The following GALNT13 variants were observed in gnomAD, a reference collection of about 807,000 sequenced individuals.
GALNT13 encodes the protein UDP-GalNAc:polypeptide N-acetylgalactosaminyltransferase 13.
In GALNT13, 28 loss-of-function variants were observed where a neutral mutation model predicts 64.2. That is an observed-to-expected ratio of 0.44 (90% CI 0.32 to 0.60). GALNT13 has a LOEUF of 0.60. Ranked by LOEUF, GALNT13 falls within the 20% of genes least tolerant of loss-of-function variation. GALNT13 has a pLI of 0.05. For missense variants in GALNT13, 577 were observed against 669.8 expected (o/e 0.86, Z 1.53); for synonymous variants, 214 against 224.6 (o/e 0.95, Z 0.42).
chr2:153,877,586 TGAG>T (rs1332179404), intron 1 of GALNT13, among the ~76,000 whole-genome samples: 1 of 152,186 alleles, frequency 6.6e-6, no homozygotes, highest in Non-Finnish European at 1.5e-5. Flanking sequence ...TTTTGACATA[TGAG>T]GAGGATTATG....
chr2:153,484,858 C>T, the GALNT13 span, among the ~76,000 whole-genome samples: 1 of 152,166 alleles, frequency 6.6e-6, no homozygotes, highest in Non-Finnish European at 1.5e-5. Flanking sequence ...TGGTTTCTGC[C>T]TCCTATTGCC....
chr2:153,349,655 A>T, the GALNT13 span, among the ~76,000 whole-genome samples: 14 of 152,180 alleles, frequency 9.2e-5, no homozygotes, highest in African/African-American at 3.4e-4. Context: ...GCCAATGTGG[A>T]ATCACTTCTA....
chr2:154,425,901 G>A (rs1048551930), intron 11 of GALNT13, among the ~76,000 whole-genome samples: 4 of 152,182 alleles, frequency 2.6e-5, no homozygotes, highest in Non-Finnish European at 5.9e-5. Flanking sequence ...CTCACATGGT[G>A]AGAACAATTC....
chr2:154,165,433 A>G (rs1321195357), intron 4 of GALNT13, among the ~76,000 whole-genome samples: 1 of 152,152 alleles, frequency 6.6e-6, no homozygotes, highest in Non-Finnish European at 1.5e-5. Flanking sequence ...ACTGAGACAT[A>G]TGTACATGCT....
intron 9 of GALNT13, among the ~76,000 whole-genome samples, chr2:154,363,774 A>G (rs992676324): frequency 7.2e-5 from 11 of 152,182 alleles, no homozygotes; most frequent in African/African-American, 2.7e-4. Flanking sequence ...TGTTTATGCA[A>G]TTGTGTTTTA....
At chr2:153,400,054 T>C in the GALNT13 span, among the ~76,000 whole-genome samples, 151 of 152,092 alleles carry the variant, frequency 9.9e-4, no homozygotes, top group African/African-American at 3.6e-3. Context: ...TGATACTGGC[T>C]GTGGGTTTGT....
chr2:153,582,298 G>A, the GALNT13 span, among the ~76,000 whole-genome samples: 2 of 151,810 alleles, frequency 1.3e-5, no homozygotes, highest in Non-Finnish European at 2.9e-5. Context: ...AATCTCAAGA[G>A]TAAATTCAGA....
At chr2:154,354,153 A>C (rs537971823) in intron 9 of GALNT13, among the ~76,000 whole-genome samples, 1 of 152,260 alleles carries the variant, frequency 6.6e-6, no homozygotes, top group African/African-American at 2.4e-5. Flanking sequence ...CATATCCCTG[A>C]TGATTAAACA....
chr2:154,416,305 A>T (rs1325063357), intron 11 of GALNT13, among the ~76,000 whole-genome samples: 8 of 152,082 alleles, frequency 5.3e-5, no homozygotes, highest in Non-Finnish European at 8.8e-5. Context: ...GATGAGGGAA[A>T]AGTTCATTGA....
chr2:153,990,357 A>G (rs1276570496), intron 3 of GALNT13, among the ~76,000 whole-genome samples: 1 of 152,086 alleles, frequency 6.6e-6, no homozygotes, highest in Non-Finnish European at 1.5e-5. Context: ...TTTGTGTTAT[A>G]ATTTGTATTT....
At chr2:153,445,654 A>G in the GALNT13 span, among the ~76,000 whole-genome samples, 1 of 152,180 alleles carries the variant, frequency 6.6e-6, no homozygotes, top group Non-Finnish European at 1.5e-5. Flanking sequence ...CTGGGACTAC[A>G]GGTGTGAGCC....
At chr2:153,252,993 C>T in the GALNT13 span, among the ~76,000 whole-genome samples, 3 of 151,600 alleles carry the variant, frequency 2.0e-5, no homozygotes, top group East Asian at 1.9e-4. Context: ...GTAGTTTTTT[C>T]CAATTCTGTG....
At position 154,172,708 on chromosome 2, in the gene GALNT13, G is replaced by C. The variant is rs542513423; in HGVS notation, c.311+32203G>C. On this transcript the variant is annotated intron_variant, in intron 4 of 12. Coordinates refer to ENST00000392825, the MANE Select transcript of GALNT13 (RefSeq NM_052917.4). ...CAGAGCACATTTTCTTCACTTATCT[G>C]TTGATGGGCACTTACATTGATTCCA... is the stretch of plus-strand genomic sequence containing the variant. Among the ~76,000 whole-genome samples the C allele has an allele frequency of 2.0e-5, 3 of 151,708 alleles. No individual in the cohort carries two copies. In the South Asian group the frequency reaches 6.2e-4, roughly 32 times the overall value.
chr2:153,785,397 G>A, the GALNT13 span, among the ~76,000 whole-genome samples: 2 of 152,320 alleles, frequency 1.3e-5, no homozygotes, highest in South Asian at 4.1e-4. Context: ...CATTTTTGCT[G>A]TTTCGTAGCC....
chr2:153,708,821 G>C, the GALNT13 span, among the ~76,000 whole-genome samples: 26 of 152,166 alleles, frequency 1.7e-4, no homozygotes, highest in Admixed American at 1.6e-3. Flanking sequence ...GAATATAATA[G>C]AGAACCCAGA....
In GALNT13 at chr2:154,240,029, A is replaced by G. The variant is rs76205859; in HGVS notation, c.312-2001A>G. Among the ~76,000 whole-genome samples the G allele has an allele frequency of 2.8e-4, 42 of 152,316 alleles. 2 individuals are homozygous for G. In the East Asian group the frequency reaches 7.7e-3, roughly 28 times the overall value. On this transcript the variant is annotated intron_variant, in intron 4 of 12. Coordinates refer to ENST00000392825, the MANE Select transcript of GALNT13 (RefSeq NM_052917.4). ...CTGATTCAGTTTATATTATGGTACT[A>G]ATTATCTAGCTCTTCAGAATATTTT...
Position 153,940,995 on chromosome 2 carries a change from CTTAAT to C in GALNT13, c.-104-3394_-104-3390del, listed in dbSNP as rs1312351460. The stretch of plus-strand genomic sequence containing the variant: ...AAGCAAAAACAAAAGCTTTTTTCTT[CTTAAT>C]TTAACAACATAGTTACAAAACCCTA... On this transcript the variant is annotated intron_variant, in intron 2 of 12. Coordinates refer to ENST00000392825, the MANE Select transcript of GALNT13 (RefSeq NM_052917.4). Among the ~76,000 whole-genome samples the C allele has an allele frequency of 5.9e-5, 9 of 152,212 alleles. No homozygotes were observed. In the South Asian group the frequency reaches 1.2e-3, roughly 21 times the overall value.
chr2:153,871,752 A>AGGAGCG (rs1447330200), upstream of GALNT13, among the ~76,000 whole-genome samples: 2 of 152,084 alleles, frequency 1.3e-5, no homozygotes, highest in Admixed American at 6.5e-5. Flanking sequence ...CAGCCCGGGG[A>AGGAGCG]GGAGCGGGAG....
chr2:153,396,522 G>T, the GALNT13 span, among the ~76,000 whole-genome samples: 2 of 151,938 alleles, frequency 1.3e-5, no homozygotes, highest in African/African-American at 4.8e-5. Context: ...ATAAACATAT[G>T]TTACAGTGTG....
Sources: allele counts gnomAD v4.1 joint callset (sites outside exome capture counted in the v4.1 genomes callset), GRCh38; gene constraint gnomAD v4.1.1; transcripts MANE v1.5; gene names NCBI Gene and HGNC (gene_info 2026-07-23, HGNC 2026-07-21).